MECOM: variants seen among roughly 807,000 people sequenced by gnomAD.
MECOM encodes the protein histone-lysine N-methyltransferase MECOM.
In MECOM, 13 loss-of-function variants were observed where a neutral mutation model predicts 116.3. The observed-to-expected ratio is 0.11, with a 90% CI of 0.07 to 0.18. MECOM has a LOEUF of 0.18. MECOM is among the 10% of genes least tolerant of loss of function. MECOM has a pLI of 1.00. For synonymous variants in MECOM, 528 were observed against 535.2 expected (o/e 0.99, Z 0.19); for missense variants, 1,299 against 1,509.0 (o/e 0.86, Z 2.31).
intron 1 of MECOM, among the ~76,000 whole-genome samples, chr3:169,502,736 T>C: frequency 6.6e-6 from 1 of 152,142 alleles, no homozygotes; most frequent in East Asian, 1.9e-4. Context: ...ATAGGAGTAA[T>C]TTGTCCTCAG....
At chr3:169,526,877 C>A (rs1758026528) in intron 1 of MECOM, among the ~76,000 whole-genome samples, 1 of 152,108 alleles carries the variant, frequency 6.6e-6, no homozygotes, top group Non-Finnish European at 1.5e-5. Context: ...ACTCCTCACA[C>A]ACTCAAAGCT....
intron 1 of MECOM, among the ~76,000 whole-genome samples, chr3:169,638,938 T>C (rs1773137064): frequency 6.6e-6 from 1 of 152,188 alleles, no homozygotes; most frequent in Non-Finnish European, 1.5e-5. Context: ...GGATGTGATG[T>C]GTGTCATTTC....
chr3:169,227,973 A>C (rs1056816784), intron 2 of MECOM, among the ~76,000 whole-genome samples: 1 of 152,188 alleles, frequency 6.6e-6, no homozygotes, highest in Non-Finnish European at 1.5e-5. Flanking sequence ...CCCAAGAACA[A>C]TTGAGACAAA....
intron 1 of MECOM, among the ~76,000 whole-genome samples, chr3:169,459,153 T>C (rs1024359262): frequency 1.3e-5 from 2 of 152,204 alleles, no homozygotes; most frequent in Non-Finnish European, 1.5e-5. Context: ...CCTGATCAAA[T>C]AGTACTCTTA....
At chr3:169,120,450 T>C (rs960009730) in intron 7 of MECOM, among the ~76,000 whole-genome samples, 1 of 152,148 alleles carries the variant, frequency 6.6e-6, no homozygotes, top group African/African-American at 2.4e-5. Flanking sequence ...GTGCAGTGGG[T>C]AAGAGAAACA....
intron 1 of MECOM, among the ~76,000 whole-genome samples, chr3:169,473,211 T>G (rs1749826744): frequency 6.6e-6 from 1 of 152,180 alleles, no homozygotes; most frequent in Admixed American, 6.5e-5. Context: ...GATTCAGGAA[T>G]TTGTACTTTT....
At chr3:169,540,149 A>G (rs1759896156) in intron 1 of MECOM, among the ~76,000 whole-genome samples, 1 of 152,156 alleles carries the variant, frequency 6.6e-6, no homozygotes, top group Non-Finnish European at 1.5e-5. Context: ...TATCTCCCAG[A>G]TGTTCTGTAG....
At chr3:169,210,245 C>T (rs1750538964) in intron 2 of MECOM, among the ~76,000 whole-genome samples, 1 of 151,986 alleles carries the variant, frequency 6.6e-6, no homozygotes, top group African/African-American at 2.4e-5. Context: ...GGGCTTAAAA[C>T]CTAGATGATG....
chr3:169,568,620 C>T (rs1344903670), intron 1 of MECOM, among the ~76,000 whole-genome samples: 1 of 152,218 alleles, frequency 6.6e-6, no homozygotes, highest in African/African-American at 2.4e-5. Flanking sequence ...CAACTAGGCA[C>T]TGCCCACCGC....
intron 2 of MECOM, among the ~76,000 whole-genome samples, chr3:169,242,034 A>G (rs918441617): frequency 1.3e-5 from 2 of 152,232 alleles, no homozygotes; most frequent in Non-Finnish European, 2.9e-5. Context: ...CTATCTGATG[A>G]TCTGTCGGCT....
intron 1 of MECOM, among the ~76,000 whole-genome samples, chr3:169,461,102 T>G (rs1365657503): frequency 6.6e-6 from 1 of 152,134 alleles, no homozygotes; most frequent in African/African-American, 2.4e-5. Flanking sequence ...GTATCAAGGA[T>G]CTTCTCCCAA....
intron 1 of MECOM, among the ~76,000 whole-genome samples, chr3:169,648,183 C>A (rs1774419146): frequency 6.6e-6 from 1 of 152,188 alleles, no homozygotes; most frequent in African/African-American, 2.4e-5. Context: ...TGGCCAATGC[C>A]AAGGATTCAC....
intron 2 of MECOM, among the ~76,000 whole-genome samples, chr3:169,342,295 A>G (rs965479681): frequency 1.3e-5 from 2 of 151,894 alleles, no homozygotes; most frequent in Non-Finnish European, 1.5e-5. Flanking sequence ...AATATCTGTT[A>G]TATTTGGGAT....
chr3:169,084,860 AG>A lies in MECOM; in HGVS notation c.*48del. The A allele has an allele frequency of 6.2e-7, 1 of 1,610,658 alleles. No homozygotes were observed. On this transcript the variant is annotated 3_prime_UTR_variant, in exon 17 of 17. Coordinates refer to ENST00000651503, the MANE Select transcript of MECOM (RefSeq NM_004991.4). Reference sequence around the variant, plus strand: ...TCTTGTAAATAGTCCTATATGAAAGAGCCATGCTACTGTTGGACTTGGTCCC... The same window carrying A: ...TCTTGTAAATAGTCCTATATGAAAGACCATGCTACTGTTGGACTTGGTCCC...
At chr3:169,223,831 C>T (rs1484155934) in intron 2 of MECOM, among the ~76,000 whole-genome samples, 2 of 152,162 alleles carry the variant, frequency 1.3e-5, no homozygotes, top group Admixed American at 6.5e-5. Context: ...CTGATTTGGA[C>T]CGTGAGCCCC....
intron 1 of MECOM, among the ~76,000 whole-genome samples, chr3:169,440,942 G>A (rs1309239210): frequency 6.6e-6 from 1 of 152,182 alleles, no homozygotes; most frequent in Non-Finnish European, 1.5e-5. Flanking sequence ...TCTCATTAAA[G>A]GCACAGAGGC....
intron 2 of MECOM, among the ~76,000 whole-genome samples, chr3:169,224,986 G>A (rs1040358438): frequency 2.6e-5 from 4 of 152,146 alleles, no homozygotes; most frequent in Admixed American, 1.3e-4. Context: ...AATTCACAAA[G>A]TCTGCTAAAT....
intron 1 of MECOM, among the ~76,000 whole-genome samples, chr3:169,650,151 T>G (rs935527117): frequency 8.5e-5 from 13 of 152,258 alleles, no homozygotes; most frequent in Non-Finnish European, 1.9e-4. Context: ...TACTGTCATA[T>G]TTTTTATGCT....
chr3:169,432,561 T>C (rs1034823882), intron 1 of MECOM, among the ~76,000 whole-genome samples: 1 of 152,234 alleles, frequency 6.6e-6, no homozygotes. Context: ...AACAGACATA[T>C]ACTTTCTTCA....
Sources: allele counts gnomAD v4.1 joint callset (sites outside exome capture counted in the v4.1 genomes callset), GRCh38; gene constraint gnomAD v4.1.1; transcripts MANE v1.5; gene names NCBI Gene and HGNC (gene_info 2026-07-23, HGNC 2026-07-21).